The following MOXD1 variants were observed in gnomAD, a reference collection of about 807,000 sequenced individuals.
MOXD1 encodes the protein DBH-like monooxygenase protein 1.
MOXD1 carries 62 observed loss-of-function variants against 66.6 expected under a neutral mutation model. The observed-to-expected ratio is 0.93, with a 90% confidence interval of 0.76 to 1.15. The LOEUF (loss-of-function observed/expected upper bound fraction) is 1.15. MOXD1 is among the 50% of genes most tolerant of loss of function. The pLI is 0.00. For missense variants in MOXD1, 847 were observed against 754.6 expected (o/e 1.12, Z -1.44); for synonymous variants, 303 against 281.9 (o/e 1.07, Z -0.75).
intron 4 of MOXD1, among the ~76,000 whole-genome samples, chr6:132,332,121 T>C (rs1175190570): frequency 6.6e-6 from 1 of 152,188 alleles, no homozygotes; most frequent in East Asian, 1.9e-4. Context: ...CCTTTCAAGG[T>C]GTTCCTTCTT....
In MOXD1 at chr6:132,378,875, CTTTTTTTTTTTTTTTTTTTT is replaced by C. The variant is rs3038136; in HGVS notation, c.265-4118_265-4099del. Among the ~76,000 whole-genome samples the C allele has an allele frequency of 7.4e-3, 310 of 41,916 alleles. 5 individuals carry two copies. Among genetic ancestry groups the C allele is most frequent in the African/African-American group, 0.015 (267 of 18,348 alleles). 27.5% of individuals were successfully genotyped at this position (41,916 alleles called of 152,430 possible). A position where few individuals can be genotyped will look rare whatever the true frequency, so the allele number is the denominator to read the frequency against. ...AATGAAAGAGGACAGAACACTTCCT[CTTTTTTTTTTTTTTTTTTTT>C]TTTTTTTTTTTTTTTTTTTGCGACA... On this transcript the variant is annotated intron_variant, in intron 1 of 11. Transcript: ENST00000367963.
chr6:132,327,703 C>T (rs1320521097), intron 6 of MOXD1, among the ~76,000 whole-genome samples: 2 of 152,112 alleles, frequency 1.3e-5, no homozygotes, highest in East Asian at 1.9e-4. Context: ...TGTATTGGGA[C>T]TAATCTACAT....
chr6:132,395,596 T>TA (rs1447739308), intron 1 of MOXD1, among the ~76,000 whole-genome samples: 1 of 152,096 alleles, frequency 6.6e-6, no homozygotes, highest in Non-Finnish European at 1.5e-5. Context: ...CTGAATGGGT[T>TA]AAAAAACATG....
At chr6:132,348,880 A>G (rs975848270) in intron 4 of MOXD1, among the ~76,000 whole-genome samples, 1 of 152,182 alleles carries the variant, frequency 6.6e-6, no homozygotes, top group African/African-American at 2.4e-5. Context: ...TTTTTACTAA[A>G]GTCCTAACCC....
chr6:132,302,804 A>G (rs879706235), intron 10 of MOXD1, among the ~76,000 whole-genome samples: 22 of 152,164 alleles, frequency 1.4e-4, no homozygotes, highest in Admixed American at 1.3e-3. Context: ...AAGACTTCCT[A>G]TAAAACTATA....
chr6:132,389,342 C>T (rs923964003), intron 1 of MOXD1, among the ~76,000 whole-genome samples: 1 of 151,682 alleles, frequency 6.6e-6, no homozygotes, highest in East Asian at 1.9e-4. Flanking sequence ...TTGTTTAAAA[C>T]ATCAGATGGT....
At chr6:132,332,201 T>A (rs1562284696) in intron 4 of MOXD1, among the ~76,000 whole-genome samples, 1 of 152,200 alleles carries the variant, frequency 6.6e-6, no homozygotes. Flanking sequence ...AACTGTAATC[T>A]GACCTTCAGA....
intron 4 of MOXD1, among the ~76,000 whole-genome samples, chr6:132,357,897 G>A (rs1004875420): frequency 5.9e-5 from 9 of 151,936 alleles, no homozygotes; most frequent in African/African-American, 1.7e-4. Context: ...TTTTTCCTCT[G>A]GACTTCATTT....
intron 1 of MOXD1, among the ~76,000 whole-genome samples, chr6:132,383,952 C>A (rs547859743): frequency 1.3e-5 from 2 of 152,184 alleles, no homozygotes; most frequent in East Asian, 3.9e-4. Flanking sequence ...CGCCTGTAAT[C>A]CCAGCTACTC....
chr6:132,319,284 G>A (rs995164701), intron 9 of MOXD1, among the ~76,000 whole-genome samples: 3 of 151,796 alleles, frequency 2.0e-5, no homozygotes, highest in African/African-American at 4.8e-5. Context: ...ACCTCAAATC[G>A]TAAAATTTCT....
chr6:132,397,640 AAGAAAG>A (rs1017383320), intron 1 of MOXD1, among the ~76,000 whole-genome samples: 1 of 29,840 alleles, frequency 3.4e-5, no homozygotes, highest in African/African-American at 1.6e-4. Context: ...GAGAGACAGA[AAGAAAG>A]AAAGAAAGAA....
chr6:132,388,376 A>G (rs1433602082), intron 1 of MOXD1, among the ~76,000 whole-genome samples: 1 of 151,450 alleles, frequency 6.6e-6, no homozygotes, highest in East Asian at 1.9e-4. Flanking sequence ...GCTGGGATTC[A>G]CACCCCGTCT....
In MOXD1 at chr6:132,397,609, TCACA is replaced by T. The variant is rs1281088281; in HGVS notation, c.264+3550_264+3553del. On this transcript the variant is annotated intron_variant, in intron 1 of 11. Transcript: ENST00000367963. Reference sequence around the variant, plus strand: ...TTTATTTAAACACACACACACACACTCACAGAGAGAGAGAGAGAGAGAGAGACAG... The same window carrying T: ...TTTATTTAAACACACACACACACACTGAGAGAGAGAGAGAGAGAGAGACAG... Among the ~76,000 whole-genome samples the T allele has an allele frequency of 5.0e-5, 5 of 99,696 alleles. No homozygotes were observed. The East Asian group carries it at 1.2e-3, about 24-fold the overall frequency. The allele number at this position is 99,696 out of a possible 152,430, so 65.4% of individuals were successfully genotyped here. A position where few individuals can be genotyped will look rare whatever the true frequency, so the allele number is the denominator to read the frequency against.
At chr6:132,316,569 T>C (rs1774963770) in intron 9 of MOXD1, among the ~76,000 whole-genome samples, 1 of 152,032 alleles carries the variant, frequency 6.6e-6, no homozygotes, top group Non-Finnish European at 1.5e-5. Context: ...ATTTTAAAAA[T>C]AGAAATTCTA....
Position 132,300,707 on chromosome 6 carries a change from C to T in MOXD1, c.1509-2752G>A, listed in dbSNP as rs548868290. ...ATAAAGTGACAGAAGAGGTGTAACC[C>T]CATTTGTCAGTTTTTAGAACAGATA... On this transcript the variant is annotated intron_variant, in intron 10 of 11. Transcript: ENST00000367963. Among the ~76,000 whole-genome samples, 5 of 152,270 alleles carry T rather than the reference C, an allele frequency of 3.3e-5. No homozygotes were observed. The South Asian group carries it at 1.0e-3, about 32-fold the overall frequency.
chr6:132,316,790 T>C (rs1439190761), intron 9 of MOXD1, among the ~76,000 whole-genome samples: 1 of 152,130 alleles, frequency 6.6e-6, no homozygotes, highest in East Asian at 1.9e-4. Flanking sequence ...ATGTCTAACA[T>C]ATATGTTTTC....
chr6:132,390,087 C>T (rs1776727980), intron 1 of MOXD1, among the ~76,000 whole-genome samples: 1 of 151,424 alleles, frequency 6.6e-6, no homozygotes. Flanking sequence ...TATAAAATCA[C>T]CAAGTCTCTA....
chr6:132,322,940 A>G (rs1420908247), intron 7 of MOXD1, 70 bp from the exon 8 acceptor site: 5 of 1,318,174 alleles, frequency 3.8e-6, no homozygotes, highest in Non-Finnish European at 5.2e-6. Flanking sequence ...ACATTCAAAC[A>G]CACTTGGAGG....
intron 10 of MOXD1, 109 bp from the exon 11 acceptor site, chr6:132,298,064 T>G: frequency 1.1e-6 from 1 of 885,870 alleles, no homozygotes; most frequent in Non-Finnish European, 1.6e-6. Context: ...TTCATACACA[T>G]AGATAACCTA....
Sources: gnomAD v4.1 joint callset for allele counts (sites outside exome capture counted in the v4.1 genomes callset) on GRCh38, gnomAD v4.1.1 for gene constraint, MANE v1.5 for transcripts, NCBI Gene and HGNC (gene_info 2026-07-23, HGNC 2026-07-21) for gene names.